The following ETV6 variants were observed in gnomAD, a reference collection of about 807,000 sequenced individuals.
ETV6 encodes transcription factor ETV6.
ETV6 carries 16 observed loss-of-function variants against 51.1 expected under a neutral mutation model. That is an observed-to-expected ratio of 0.31 (90% CI 0.21 to 0.48). The LOEUF (loss-of-function observed/expected upper bound fraction) is 0.48, where lower values mean the gene tolerates loss of function less well. Ranked by LOEUF, ETV6 falls within the 20% of genes least tolerant of loss-of-function variation. The probability of loss-of-function intolerance (pLI) is 0.99; values close to 1 mark genes in which losing one functional copy is unlikely to be tolerated. For synonymous variants in ETV6, 240 were observed against 224.1 expected, an observed-to-expected ratio of 1.07 and a Z score of -0.64; for missense variants, 458 against 594.8, an observed-to-expected ratio of 0.77 and a Z score of 2.39.
chr12:11,859,399 C>G (rs1014975689), intron 4 of ETV6, among the ~76,000 whole-genome samples: 2 of 151,922 alleles, frequency 1.3e-5, no homozygotes, highest in Non-Finnish European at 2.9e-5. Context: ...CCTCGGCCTC[C>G]CAAAGTGCTG....
chr12:11,751,888 T>C (rs772041405), intron 1 of ETV6: 3 of 501,512 alleles, frequency 6.0e-6, no homozygotes, highest in Non-Finnish European at 4.0e-6. Context: ...GGTGGTTGTA[T>C]AGTGAGATAG....
At chr12:11,887,582 T>C (rs191328508) in intron 7 of ETV6, among the ~76,000 whole-genome samples, 1 of 151,936 alleles carries the variant, frequency 6.6e-6, no homozygotes, top group African/African-American at 2.4e-5. Context: ...ACCCCATCTC[T>C]ACTAAAAGTA....
intron 1 of ETV6, among the ~76,000 whole-genome samples, chr12:11,690,596 A>T (rs1864735965): frequency 6.6e-6 from 1 of 152,026 alleles, no homozygotes; most frequent in African/African-American, 2.4e-5. Flanking sequence ...GTCTCTAAAA[A>T]AGATAGAATG....
At chr12:11,718,185 G>C (rs115462984) in intron 1 of ETV6, among the ~76,000 whole-genome samples, 1 of 152,112 alleles carries the variant, frequency 6.6e-6, no homozygotes, top group Non-Finnish European at 1.5e-5. Context: ...GGCCCTTCCT[G>C]TTTCCTTGGT....
At position 11,650,275 on chromosome 12, in the gene ETV6, T is replaced by G. The variant is rs932590115; in HGVS notation, c.33+115T>G. On this transcript the variant is annotated intron_variant, in intron 1 of 7. Transcript: ENST00000396373. ...TGCAGTTGCTCTGTTCGCAGGAAAT[T>G]ATTTGGGGCGAGAGGGAAAGAGATG... The G allele has an allele frequency of 9.1e-5, 86 of 940,820 alleles. No homozygotes were observed. The Admixed American group carries it at 1.5e-3, about 16-fold the overall frequency. 58.3% of individuals were successfully genotyped at this position (940,820 alleles called of 1,614,324 possible).
chr12:11,703,153 A>G (rs1363765057), intron 1 of ETV6, among the ~76,000 whole-genome samples: 3 of 152,328 alleles, frequency 2.0e-5, no homozygotes, highest in Admixed American at 6.5e-5. Flanking sequence ...CAAACATACA[A>G]ATATGGAAAG....
intron 2 of ETV6, among the ~76,000 whole-genome samples, chr12:11,822,552 C>T (rs753024599): frequency 6.6e-6 from 1 of 152,108 alleles, no homozygotes; most frequent in Non-Finnish European, 1.5e-5. Flanking sequence ...AGTGTTTAAC[C>T]TAATGTCCTG....
chr12:11,725,034 G>A (rs751613492), intron 1 of ETV6, among the ~76,000 whole-genome samples: 1 of 152,002 alleles, frequency 6.6e-6, no homozygotes, highest in African/African-American at 2.4e-5. Flanking sequence ...GTGAACTTAC[G>A]GCCACCCCAC....
chr12:11,659,418 T>C (rs1215360121), intron 1 of ETV6, among the ~76,000 whole-genome samples: 1 of 152,180 alleles, frequency 6.6e-6, no homozygotes, highest in Non-Finnish European at 1.5e-5. Flanking sequence ...TACTTAATAC[T>C]CTTGAAGCAA....
intron 1 of ETV6, among the ~76,000 whole-genome samples, chr12:11,665,908 A>C (rs1326682603): frequency 1.3e-5 from 2 of 152,234 alleles, no homozygotes; most frequent in African/African-American, 4.8e-5. Flanking sequence ...GCTGGAGAAG[A>C]AGCTTGAGAA....
chr12:11,709,029 G>A (rs1223251499), intron 1 of ETV6, among the ~76,000 whole-genome samples: 2 of 152,158 alleles, frequency 1.3e-5, no homozygotes, highest in Non-Finnish European at 2.9e-5. Flanking sequence ...AGGGGAGGCT[G>A]CATTGAGGTG....
At chr12:11,886,624 G>A (rs537793166) in intron 7 of ETV6, among the ~76,000 whole-genome samples, 2 of 152,158 alleles carry the variant, frequency 1.3e-5, no homozygotes, top group African/African-American at 4.8e-5. Context: ...ATAATGCATC[G>A]TAGTCAGAAT....
intron 3 of ETV6, among the ~76,000 whole-genome samples, chr12:11,841,091 A>AAAT (rs1946384478): frequency 6.6e-6 from 1 of 152,220 alleles, no homozygotes. Flanking sequence ...AAGTCTCTAT[A>AAAT]AATTTCCCCT....
chr12:11,841,249 C>T (rs1465224053), intron 3 of ETV6, among the ~76,000 whole-genome samples: 1 of 152,152 alleles, frequency 6.6e-6, no homozygotes. Context: ...GCCACTTTGT[C>T]GAGTCTTTGT....
chr12:11,784,668 G>C (rs764405780), intron 2 of ETV6, among the ~76,000 whole-genome samples: 5 of 151,904 alleles, frequency 3.3e-5, no homozygotes, highest in Non-Finnish European at 5.9e-5. Context: ...TGGGGCAAGA[G>C]GACTTGGGAG....
At position 11,792,751 on chromosome 12, in the gene ETV6, A is replaced by G. The variant is rs181422482; in HGVS notation, c.163+40172A>G. 5.3e-5 allele frequency among the ~76,000 whole-genome samples: 8 copies of G among 152,232 alleles called. No homozygotes were observed. The East Asian group carries it at 1.4e-3, about 26-fold the overall frequency. On this transcript the variant is annotated intron_variant, in intron 2 of 7. Transcript: ENST00000396373. Reference sequence around the variant, plus strand: ...CATTTGCTAATGGGGTTCAATTTTCATTCATCTACTGTAAAACCAAACAAT... The same window carrying G: ...CATTTGCTAATGGGGTTCAATTTTCGTTCATCTACTGTAAAACCAAACAAT...
In ETV6 at chr12:11,893,671, G is replaced by T. The variant is rs374682883; in HGVS notation, c.*2625G>T. On this transcript the variant is annotated 3_prime_UTR_variant, in exon 8 of 8. Transcript: ENST00000396373. ...TCTTATGGTTCAATGTACACAAACT[G>T]TTTTATATAGAAAATGATTTCAAAT... The T allele has an allele frequency of 1.1e-4, 24 of 227,510 alleles. No individual in the cohort carries two copies. The highest frequency in any genetic ancestry group is 8.2e-4 in the East Asian group (13 of 15,770). The allele number at this position is 227,510 out of a possible 1,614,324, so 14.1% of individuals were successfully genotyped here. A position where few individuals can be genotyped will look rare whatever the true frequency, so the allele number is the denominator to read the frequency against.
chr12:11,682,829 G>C (rs939317000), intron 1 of ETV6, among the ~76,000 whole-genome samples: 3 of 152,130 alleles, frequency 2.0e-5, no homozygotes, highest in Non-Finnish European at 2.9e-5. Context: ...TATTAAATAG[G>C]GAATCCTTTC....
chr12:11,678,033 G>A (rs898694907), intron 1 of ETV6, among the ~76,000 whole-genome samples: 7 of 152,182 alleles, frequency 4.6e-5, no homozygotes, highest in African/African-American at 9.7e-5. Context: ...GAAGAGCCTC[G>A]TTGTGCCCAT....
Sources: gnomAD v4.1 joint callset for allele counts (sites outside exome capture counted in the v4.1 genomes callset) on GRCh38, gnomAD v4.1.1 for gene constraint, MANE v1.5 for transcripts, NCBI Gene and HGNC (gene_info 2026-07-23, HGNC 2026-07-21) for gene names.